Variants in RPS6KA2 observed in about 807,000 individuals in gnomAD.
RPS6KA2 encodes the protein ribosomal protein S6 kinase alpha-2.
A neutral mutation model predicts 91.8 loss-of-function variants in RPS6KA2; 42 were observed. The observed-to-expected ratio is 0.46, with a 90% confidence interval of 0.36 to 0.59. The LOEUF is 0.59. RPS6KA2 is among the 20% of genes least tolerant of loss of function. RPS6KA2 has a pLI of 0.00. For synonymous variants in RPS6KA2, 414 were observed against 393.6 expected (o/e 1.05, Z -0.61); for missense variants, 798 against 978.5 (o/e 0.82, Z 2.46).
chr6:166,514,599 G>A (rs1362001170), intron 3 of RPS6KA2, among the ~76,000 whole-genome samples: 1 of 152,214 alleles, frequency 6.6e-6, no homozygotes, highest in Non-Finnish European at 1.5e-5. Flanking sequence ...GGACATGGGG[G>A]CCTGGGGAGC....
At chr6:166,498,032 G>A (rs1200906266) in intron 8 of RPS6KA2, among the ~76,000 whole-genome samples, 2 of 152,128 alleles carry the variant, frequency 1.3e-5, no homozygotes, top group South Asian at 2.1e-4. Flanking sequence ...TTCCTAGGGC[G>A]GAGAAGACCC....
rs1158722558 is a variant in RPS6KA2, at chr6:166,500,596, C to T, written c.604+291G>A. 6.6e-6 allele frequency among the ~76,000 whole-genome samples: 1 copy of T among 152,136 alleles called. No individual in the cohort carries two copies. The highest frequency in any genetic ancestry group is 1.9e-4 in the East Asian group (1 of 5,192). On this transcript the variant is annotated intron_variant, in intron 7 of 20. Coordinates refer to ENST00000265678, the MANE Select transcript of RPS6KA2 (RefSeq NM_021135.6). This position sits in a 1 kb window ranked among gnomAD's most constrained non-coding sequence, Gnocchi z 4.3. ...TGTCTGCACTAAGGTCAGCACTGGG[C>T]ACTGGGACTCCTGAACTAAACACCC... is the stretch of plus-strand genomic sequence containing the variant.
At chr6:166,801,128 T>C (rs557273141) in intron 2 of RPS6KA2, among the ~76,000 whole-genome samples, 18 of 152,324 alleles carry the variant, frequency 1.2e-4, no homozygotes, top group Non-Finnish European at 1.5e-5. Flanking sequence ...TGAGGAGTTT[T>C]GTGGTGATTT....
intron 2 of RPS6KA2, among the ~76,000 whole-genome samples, chr6:166,658,701 G>A (rs551765987): frequency 1.3e-5 from 2 of 152,330 alleles, no homozygotes; most frequent in East Asian, 3.9e-4. Context: ...GGGTTCGCCT[G>A]TGCAATTCAA....
chr6:166,701,895 T>C, intron 2 of RPS6KA2: 2 of 1,078,046 alleles, frequency 1.9e-6, no homozygotes, highest in South Asian at 2.6e-5. Flanking sequence ...AATGGAGATA[T>C]CGTGATTTTA....
chr6:166,496,373 TAAAAAGAAA>T (rs1342317614), intron 8 of RPS6KA2, among the ~76,000 whole-genome samples: 27 of 132,920 alleles, frequency 2.0e-4, no homozygotes, highest in African/African-American at 7.7e-4. Flanking sequence ...AATTAAAAAA[TAAAAAGAAA>T]AAAAAGAAAA....
chr6:166,834,254 C>T (rs1037285771), intron 2 of RPS6KA2, among the ~76,000 whole-genome samples: 5 of 152,254 alleles, frequency 3.3e-5, no homozygotes, highest in Admixed American at 1.3e-4. Flanking sequence ...CAGTATCTCA[C>T]GGTGGTTTTA....
intron 16 of RPS6KA2, among the ~76,000 whole-genome samples, chr6:166,426,288 G>A (rs1778915234): frequency 7.0e-6 from 1 of 142,660 alleles, no homozygotes; most frequent in South Asian, 2.4e-4. Flanking sequence ...GAATCTCTGG[G>A]ACACATTCAA....
rs117332698 is a variant in RPS6KA2, at chr6:166,575,130, C to G, written c.100-36346G>C. On this transcript the variant is annotated intron_variant, in intron 1 of 20. Coordinates refer to ENST00000265678, the MANE Select transcript of RPS6KA2 (RefSeq NM_021135.6). Reference sequence around the variant, plus strand: ...AAAACTAGACATGCAAAACGCCTGGCTCTTTTAACACAGCTTTTGTTTACG... The same window carrying G: ...AAAACTAGACATGCAAAACGCCTGGGTCTTTTAACACAGCTTTTGTTTACG... Among the ~76,000 whole-genome samples the G allele has an allele frequency of 7.5e-3, 1,149 of 152,366 alleles. 11 individuals carry two copies. Among genetic ancestry groups the G allele is most frequent in the Non-Finnish European group, 0.011 (765 of 68,038 alleles).
chr6:166,828,068 T>C (rs1396592154), intron 2 of RPS6KA2, among the ~76,000 whole-genome samples: 1 of 152,228 alleles, frequency 6.6e-6, no homozygotes, highest in African/African-American at 2.4e-5. Context: ...CACAGAAACA[T>C]GCTGGAGGAA....
In RPS6KA2 at chr6:166,648,204, A is replaced by ACG. The variant is rs1787725425; in HGVS notation, c.124-109421_124-109420insCG. On this transcript the variant is annotated intron_variant, in intron 2 of 21. Coordinates refer to the RPS6KA2 transcript ENST00000503859. The surrounding 1 kb of genome is among the most constrained non-coding windows in gnomAD (Gnocchi z 4.8). The stretch of plus-strand genomic sequence containing the variant: ...CACATGCACACATGCTCATACACAC[A>ACG]CTCATGCACACACACGCACATGCGC... Among the ~76,000 whole-genome samples, 1 of 100,192 alleles carries ACG rather than the reference A, an allele frequency of 1.0e-5. No homozygotes were observed. The highest frequency in any genetic ancestry group is 2.0e-5 in the Non-Finnish European group (1 of 50,954). The allele number at this position is 100,192 out of a possible 152,430, so 65.7% of individuals were successfully genotyped here.
chr6:166,615,617 A>AC (rs1786378842), intron 1 of RPS6KA2, among the ~76,000 whole-genome samples: 1 of 152,176 alleles, frequency 6.6e-6, no homozygotes, highest in East Asian at 1.9e-4. Context: ...CGGTGCCCAC[A>AC]CACCGTGTGC....
chr6:166,517,723 C>T (rs1281515168), intron 3 of RPS6KA2, among the ~76,000 whole-genome samples: 2 of 152,044 alleles, frequency 1.3e-5, no homozygotes, highest in East Asian at 3.9e-4. Context: ...GATCCACCCG[C>T]CTCGGCCTCC....
intron 1 of RPS6KA2, among the ~76,000 whole-genome samples, chr6:166,580,344 C>A (rs1344071575): frequency 2.0e-5 from 3 of 152,336 alleles, no homozygotes; most frequent in Non-Finnish European, 4.4e-5. Flanking sequence ...AGCCATAGTC[C>A]CGTGCATATC....
intron 8 of RPS6KA2, among the ~76,000 whole-genome samples, chr6:166,492,853 C>T (rs527325970): frequency 6.6e-6 from 1 of 150,388 alleles, no homozygotes; most frequent in East Asian, 2.0e-4. Context: ...GTAGCTGGGA[C>T]TACAGGCGTG....
chr6:166,635,796 AC>A lies in RPS6KA2; in HGVS notation c.124-97013del, dbSNP rs1464853861. On this transcript the variant is annotated intron_variant, in intron 2 of 21. Transcript: ENST00000503859. This position sits in a 1 kb window ranked among gnomAD's most constrained non-coding sequence, Gnocchi z 4.8. ...CACCCCAGGACAAGCCACCATCCCCACCCTGGGGAGAAGGCTGCATCCACCC... is the reference window on the plus strand; with the variant it reads ...CACCCCAGGACAAGCCACCATCCCCACCTGGGGAGAAGGCTGCATCCACCC... Among the ~76,000 whole-genome samples, 1 of 151,968 alleles carries A rather than the reference AC, an allele frequency of 6.6e-6. No homozygotes were observed. The highest frequency in any genetic ancestry group is 2.4e-5 in the African/African-American group (1 of 41,362).
rs1778422196 is a variant in RPS6KA2 at position 166,770,007 on chromosome 6, C to T, written c.123+88193G>A. The stretch of plus-strand genomic sequence containing the variant: ...GAGTATTTTTGTTTCAAATGAACTA[C>T]AGCGCAGTTTAACGTATCAATGTAG... On this transcript the variant is annotated intron_variant, in intron 2 of 21. Coordinates refer to the RPS6KA2 transcript ENST00000503859. This position sits in a 1 kb window ranked among gnomAD's most constrained non-coding sequence, Gnocchi z 5.1. Among the ~76,000 whole-genome samples, 1 of 152,206 alleles carries T rather than the reference C, an allele frequency of 6.6e-6. No individual in the cohort carries two copies. Among genetic ancestry groups the T allele is most frequent in the South Asian group, 2.1e-4 (1 of 4,834 alleles).
chr6:166,695,617 T>A (rs1400513622), intron 2 of RPS6KA2, among the ~76,000 whole-genome samples: 2 of 152,192 alleles, frequency 1.3e-5, no homozygotes, highest in African/African-American at 4.8e-5. Flanking sequence ...AAGCGAGTGT[T>A]ACCTCTCTAG....
Position 166,603,561 on chromosome 6 carries a change from T to C in RPS6KA2, c.99+23360A>G, listed in dbSNP as rs1785828640. On this transcript the variant is annotated intron_variant, in intron 1 of 20. Coordinates refer to ENST00000265678, the MANE Select transcript of RPS6KA2 (RefSeq NM_021135.6). The surrounding 1 kb of genome is among the most constrained non-coding windows in gnomAD (Gnocchi z 4.3). ...AGTCGAGGGCGCCCAGGTAAAGGGC[T>C]TTGGCATGGAAGTGCAGGTTGCTGA... Among the ~76,000 whole-genome samples the C allele has an allele frequency of 6.6e-6, 1 of 152,116 alleles. No individual in the cohort carries two copies. Among genetic ancestry groups the C allele is most frequent in the South Asian group, 2.1e-4 (1 of 4,830 alleles).
Sources: allele counts gnomAD v4.1 joint callset (sites outside exome capture counted in the v4.1 genomes callset), GRCh38; gene constraint gnomAD v4.1.1; non-coding constraint Gnocchi (gnomAD v3.1); transcripts MANE v1.5; gene names NCBI Gene and HGNC (gene_info 2026-07-23, HGNC 2026-07-21).